Variants in ACSM1 observed in about 807,000 individuals in gnomAD.
ACSM1 encodes the protein acyl-CoA synthetase medium chain family member 1.
A neutral mutation model predicts 75.8 loss-of-function variants in ACSM1; 79 were observed. That is an observed-to-expected ratio of 1.04 (90% confidence interval 0.87 to 1.26). The LOEUF is 1.26. Among genes scored for constraint, ACSM1 ranks in the 50% most tolerant of loss-of-function variants. ACSM1 has a pLI of 0.00. For synonymous variants in ACSM1, 279 were observed against 265.8 expected, an observed-to-expected ratio of 1.05 and a Z score of -0.48; for missense variants, 676 against 720.1, an observed-to-expected ratio of 0.94 and a Z score of 0.70.
At chr16:20,626,950 GCA>G (rs141415351) in intron 11 of ACSM1, among the ~76,000 whole-genome samples, 142 of 151,978 alleles carry the variant, frequency 9.3e-4, no homozygotes, top group African/African-American at 3.2e-3. Context: ...ACTGTAAATT[GCA>G]CAGTGTCTTA....
intron 10 of ACSM1, among the ~76,000 whole-genome samples, chr16:20,635,555 G>A (rs1254214352): frequency 3.3e-5 from 5 of 151,466 alleles, no homozygotes; most frequent in African/African-American, 4.8e-5. Flanking sequence ...TAAAATATAT[G>A]TGTTACCCCA....
intron 2 of ACSM1, among the ~76,000 whole-genome samples, chr16:20,688,739 C>G (rs887034906): frequency 1.3e-5 from 2 of 151,792 alleles, no homozygotes; most frequent in Non-Finnish European, 2.9e-5. Flanking sequence ...GTTCACTATC[C>G]CTAGACTTGC....
At chr16:20,641,793 T>C (rs1053312591) in intron 7 of ACSM1, among the ~76,000 whole-genome samples, 8 of 152,014 alleles carry the variant, frequency 5.3e-5, no homozygotes, top group Non-Finnish European at 8.8e-5. Flanking sequence ...CAATGTGGGG[T>C]GATGAAGACC....
At chr16:20,646,325 G>T (rs962263298) in intron 7 of ACSM1, among the ~76,000 whole-genome samples, 9 of 152,210 alleles carry the variant, frequency 5.9e-5, no homozygotes, top group Non-Finnish European at 1.3e-4. Flanking sequence ...TGACTGGAAG[G>T]CCCACTGCCC....
chr16:20,655,397 T>C lies in ACSM1; in HGVS notation c.992+6397A>G, dbSNP rs138565820. On this transcript the variant is annotated intron_variant, in intron 7 of 13. Transcript: ENST00000520010. ...ATGTACCCTAGAACTTAAAGTATAA[T>C]AAAAAATAAAATAAAATAAAATAAA... Among the ~76,000 whole-genome samples the C allele has an allele frequency of 2.4e-3, 360 of 151,302 alleles. 1 individual carries two copies. Among genetic ancestry groups the C allele is most frequent in the African/African-American group, 8.1e-3 (335 of 41,170 alleles).
intron 6 of ACSM1, among the ~76,000 whole-genome samples, chr16:20,666,702 T>C (rs1467707132): frequency 6.6e-6 from 1 of 152,146 alleles, no homozygotes; most frequent in East Asian, 1.9e-4. Context: ...TTGCCCAACT[T>C]CAAACTATGT....
intron 6 of ACSM1, 59 bp from the exon 7 acceptor site, chr16:20,661,932 A>T: frequency 8.6e-7 from 1 of 1,162,180 alleles, no homozygotes; most frequent in Non-Finnish European, 1.3e-6. Context: ...CTAACAGCCA[A>T]TTATTAGCAG....
At chr16:20,635,247 T>G (rs2017596538) in intron 10 of ACSM1, among the ~76,000 whole-genome samples, 1 of 151,978 alleles carries the variant, frequency 6.6e-6, no homozygotes, top group Non-Finnish European at 1.5e-5. Flanking sequence ...ATCAAAAAAT[T>G]AGCTGGGCAT....
rs1287991041 is a variant in ACSM1 at position 20,624,154 on chromosome 16, G to GTCA, written c.1586_1588dup (p.Leu529_Thr530insMet). On this transcript the variant is annotated inframe_insertion, in exon 13 of 14. Transcript: ENST00000520010. ...CTTGACATGCTGCTGCAGTTCCTTGGTCAGCTGATCCTTGTCATGGGACAG... is the reference window on the plus strand; with the variant it reads ...CTTGACATGCTGCTGCAGTTCCTTGGTCATCAGCTGATCCTTGTCATGGGACAG... 8 of 1,613,332 alleles carry GTCA rather than the reference G, an allele frequency of 5.0e-6. No homozygotes were observed. The highest frequency in any genetic ancestry group is 6.8e-6 in the Non-Finnish European group (8 of 1,179,550).
chr16:20,642,887 A>C (rs2018145447), intron 7 of ACSM1, among the ~76,000 whole-genome samples: 1 of 152,240 alleles, frequency 6.6e-6, no homozygotes, highest in Non-Finnish European at 1.5e-5. Context: ...AGTGTGCCCT[A>C]TTCCTTTAAA....
At chr16:20,640,687 A>G in intron 7 of ACSM1, 103 bp from the exon 8 acceptor site, 1 of 1,539,164 alleles carries the variant, frequency 6.5e-7, no homozygotes, top group South Asian at 1.2e-5. Flanking sequence ...CTAGTTCCTC[A>G]CTTTCTTATT....
intron 10 of ACSM1, among the ~76,000 whole-genome samples, chr16:20,627,869 CATATATATATATATATAT>C (rs61366465): frequency 0.082 from 6,336 of 77,330 alleles, 440 homozygotes; most frequent in Non-Finnish European, 0.12. Flanking sequence ...TGTATGTATA[CATATATATATATATATAT>C]ATATATATAT....
Position 20,685,160 on chromosome 16 carries a change from C to T in ACSM1, c.403+33G>A, listed in dbSNP as rs753942659. 7.9e-5 allele frequency: 128 copies of T among 1,611,320 alleles called. 2 individuals carry two copies. The Admixed American group carries it at 1.8e-3, about 22-fold the overall frequency. ...GGACCCATTGGTTCTAGAACAGCCC[C>T]GAGGTCCACCAGGTCCCTCTTGCAT... On this transcript the variant is annotated intron_variant, in intron 3 of 13. Coordinates refer to ENST00000520010, the MANE Select transcript of ACSM1 (RefSeq NM_001318890.3).
chr16:20,647,619 C>T (rs1393732941), intron 7 of ACSM1, among the ~76,000 whole-genome samples: 2 of 152,146 alleles, frequency 1.3e-5, no homozygotes, highest in African/African-American at 4.8e-5. Context: ...CAAGCCTTCA[C>T]AGCCTGCAAT....
Position 20,669,525 on chromosome 16 carries a change from G to A in ACSM1, c.912+302C>T, listed in dbSNP as rs549127528. On this transcript the variant is annotated intron_variant, in intron 6 of 13. Transcript: ENST00000520010. ...TGGCAGCATCAGGGTCCAGGATCTG[G>A]GAGACTTGGACTTGTGCTTGCTTTA... is the stretch of plus-strand genomic sequence containing the variant. Among the ~76,000 whole-genome samples, 5 of 151,138 alleles carry A rather than the reference G, an allele frequency of 3.3e-5. 1 individual carries two copies. The South Asian group carries it at 1.0e-3, about 32-fold the overall frequency.
At chr16:20,654,605 T>C (rs62033281) in intron 7 of ACSM1, among the ~76,000 whole-genome samples, 8 of 152,042 alleles carry the variant, frequency 5.3e-5, no homozygotes, top group South Asian at 4.2e-4. Flanking sequence ...TGAACAGACA[T>C]TTCTCAAAAG....
intron 4 of ACSM1, among the ~76,000 whole-genome samples, chr16:20,675,908 A>G (rs1439239927): frequency 2.0e-5 from 3 of 152,330 alleles, no homozygotes; most frequent in African/African-American, 7.2e-5. Context: ...TTGTAGCACC[A>G]AAAGTGAAAA....
intron 1 of ACSM1, among the ~76,000 whole-genome samples, chr16:20,691,784 T>C (rs2079656073): frequency 6.6e-6 from 1 of 151,234 alleles, no homozygotes; most frequent in South Asian, 2.1e-4. Flanking sequence ...TGTGTGTGTG[T>C]GTGTGTGTGT....
At chr16:20,665,622 T>C (rs2019524568) in intron 6 of ACSM1, among the ~76,000 whole-genome samples, 1 of 142,860 alleles carries the variant, frequency 7.0e-6, no homozygotes, top group Non-Finnish European at 1.5e-5. Flanking sequence ...GGGACTCCTT[T>C]CTAACCATTC....
Sources: allele counts gnomAD v4.1 joint callset (sites outside exome capture counted in the v4.1 genomes callset), GRCh38; gene constraint gnomAD v4.1.1; transcripts MANE v1.5; gene names NCBI Gene and HGNC (gene_info 2026-07-23, HGNC 2026-07-21).